SPG11: variants seen among roughly 807,000 people sequenced by gnomAD.
SPG11 encodes the protein SPG11 vesicle trafficking associated, spatacsin.
SPG11 carries 222 observed loss-of-function variants against 274.0 expected under a neutral mutation model. The observed-to-expected ratio is 0.81, with a 90% CI of 0.73 to 0.91. The LOEUF is 0.91. Ranked by LOEUF, SPG11 falls within the 40% of genes least tolerant of loss-of-function variation. The pLI is 0.00. For synonymous variants in SPG11, 1,144 were observed against 1,039.7 expected, an observed-to-expected ratio of 1.10 and a Z score of -1.93; for missense variants, 3,114 against 2,872.7, an observed-to-expected ratio of 1.08 and a Z score of -1.92.
intron 20 of SPG11, among the ~76,000 whole-genome samples, chr15:44,604,962 T>TAAAAAAAA (rs2083284644): frequency 8.2e-6 from 1 of 122,120 alleles, no homozygotes; most frequent in African/African-American, 3.3e-5. Context: ...AAAAAAAAAG[T>TAAAAAAAA]ATTACATTTT....
chr15:44,578,782 A>G (rs2082599118), intron 30 of SPG11, among the ~76,000 whole-genome samples: 1 of 152,200 alleles, frequency 6.6e-6, no homozygotes, highest in Non-Finnish European at 1.5e-5. Flanking sequence ...ACTGTCTGCT[A>G]AAAAATATCA....
At position 44,595,436 on chromosome 15, in the gene SPG11, G is replaced by C. The variant is rs755358380; in HGVS notation, c.4458C>G (p.Leu1486=). ...CCACAGAAGTGATGATCCAAACACA[G>C]AGACAAGAAATGGCACTGGCACCCT... ...CLQGASAISC[L]CVWIITSVED... The change falls in exon 26 of 40, where the codon CTC becomes CTG. Residue 1486 remains leucine, a synonymous_variant. Transcript: ENST00000261866. The C allele has an allele frequency of 2.5e-6, 4 of 1,614,182 alleles. No homozygotes were observed. Among genetic ancestry groups the C allele is most frequent in the South Asian group, 1.1e-5 (1 of 91,090 alleles).
intron 19 of SPG11, among the ~76,000 whole-genome samples, chr15:44,607,483 T>C (rs1336976612): frequency 6.6e-6 from 1 of 152,222 alleles, no homozygotes; most frequent in Non-Finnish European, 1.5e-5. Context: ...GGTTTCACTA[T>C]GTTGGCTAGG....
chr15:44,584,557 A>C lies in SPG11; in HGVS notation c.5123T>G (p.Ile1708Arg), dbSNP rs1311220191. The C allele has an allele frequency of 6.2e-7, 1 of 1,608,242 alleles. No individual in the cohort carries two copies. Reference protein sequence around the residue: ...LPVDNLVIKEITQEMQTLKHI... With the variant: ...LPVDNLVIKERTQEMQTLKHI... ...TTTTAGGGTCTGCATTTCCTGTGTT[A>C]TCTGTGAAATTTAACAAAGCAGATT... The change falls in exon 30 of 40, where the codon ATA (isoleucine) becomes AGA (arginine). Residue 1708 changes from isoleucine (I) to arginine (R), a missense_variant and splice_region_variant. Transcript: ENST00000261866.
intron 32 of SPG11, 94 bp downstream of exon 32, chr15:44,573,453 T>A: frequency 7.5e-7 from 1 of 1,334,070 alleles, no homozygotes; most frequent in Non-Finnish European, 1.1e-6. Context: ...GAGAACCACA[T>A]ACAGGATGTA....
intron 33 of SPG11, among the ~76,000 whole-genome samples, chr15:44,570,861 A>G (rs1385642755): frequency 6.6e-6 from 1 of 152,154 alleles, no homozygotes; most frequent in Non-Finnish European, 1.5e-5. Context: ...TCTCTCAGTC[A>G]TGGCACAATC....
At chr15:44,577,916 T>A (rs1037090551) in intron 30 of SPG11, among the ~76,000 whole-genome samples, 2 of 152,144 alleles carry the variant, frequency 1.3e-5, no homozygotes, top group Non-Finnish European at 2.9e-5. Context: ...CTAATTCCTG[T>A]TCTTCCTTGT....
chr15:44,636,958 C>CAAAAAAAAA (rs1328250311), intron 7 of SPG11, among the ~76,000 whole-genome samples: 3 of 89,118 alleles, frequency 3.4e-5, no homozygotes, highest in Non-Finnish European at 6.2e-5. Context: ...AAAAAAAAAA[C>CAAAAAAAAA]AAAAAAAAAA....
intron 30 of SPG11, among the ~76,000 whole-genome samples, chr15:44,582,043 A>C (rs952669586): frequency 6.6e-6 from 1 of 152,210 alleles, no homozygotes; most frequent in Non-Finnish European, 1.5e-5. Flanking sequence ...AGATAACCTG[A>C]ATAGTCCTGT....
intron 30 of SPG11, among the ~76,000 whole-genome samples, chr15:44,581,888 A>T (rs2082665025): frequency 6.6e-6 from 1 of 152,320 alleles, no homozygotes. Context: ...TCTCTAAAAA[A>T]ATAAAATTAA....
chr15:44,579,243 G>T (rs926004670), intron 30 of SPG11, among the ~76,000 whole-genome samples: 1 of 149,790 alleles, frequency 6.7e-6, no homozygotes, highest in African/African-American at 2.5e-5. Context: ...CAGGAAGAGG[G>T]GCTGGGCGTG....
At chr15:44,663,182 T>C (rs889880052) in intron 1 of SPG11, among the ~76,000 whole-genome samples, 1 of 152,250 alleles carries the variant, frequency 6.6e-6, no homozygotes, top group Admixed American at 6.5e-5. Context: ...AGAGCTGGGC[T>C]GCCAGAATGC....
At chr15:44,628,260 A>T (rs973142655) in intron 10 of SPG11, among the ~76,000 whole-genome samples, 7 of 152,270 alleles carry the variant, frequency 4.6e-5, no homozygotes, top group Admixed American at 3.9e-4. Flanking sequence ...TATACTTCTA[A>T]GTAATAATGT....
chr15:44,610,332 A>T (rs1328644659), intron 18 of SPG11, among the ~76,000 whole-genome samples: 1 of 151,808 alleles, frequency 6.6e-6, no homozygotes, highest in Non-Finnish European at 1.5e-5. Flanking sequence ...GGAATTACAA[A>T]TGTGAGCCAC....
intron 1 of SPG11, 43 bp from the exon 2 acceptor site, chr15:44,660,659 T>C (rs2085078984): frequency 6.3e-7 from 1 of 1,582,250 alleles, no homozygotes; most frequent in East Asian, 2.2e-5. Context: ...ATATCCGCAA[T>C]AATATTTACC....
At position 44,563,095 on chromosome 15, in the gene SPG11, A is replaced by G; in HGVS notation, c.*26T>C. On this transcript the variant is annotated 3_prime_UTR_variant, in exon 40 of 40. Transcript: ENST00000261866. ...ATCTGTCAGAATCTGCTAACAGTAC[A>G]AGAAAACAGACACCTATGAAATCAT... 2.5e-6 allele frequency: 4 copies of G among 1,611,538 alleles called. No individual in the cohort carries two copies. The highest frequency in any genetic ancestry group is 3.4e-6 in the Non-Finnish European group (4 of 1,177,930).
At chr15:44,629,435 A>C in intron 8 of SPG11, 47 bp from the exon 9 acceptor site, 2 of 1,562,000 alleles carry the variant, frequency 1.3e-6, no homozygotes, top group East Asian at 2.2e-5. Flanking sequence ...CAGGATACTC[A>C]CAATAAAATT....
At position 44,595,422 on chromosome 15, in the gene SPG11, AT is replaced by A; in HGVS notation, c.4471del (p.Ile1491SerfsTer38). 1 of 1,614,228 alleles carries A rather than the reference AT, an allele frequency of 6.2e-7. No individual in the cohort carries two copies. The highest frequency in any genetic ancestry group is 8.5e-7 in the Non-Finnish European group (1 of 1,180,030). On this transcript the variant is annotated frameshift_variant, in exon 26 of 40. Coordinates refer to ENST00000261866, the MANE Select transcript of SPG11 (RefSeq NM_025137.4). LOFTEE classifies it high-confidence loss of function. ...SAISCLCVWI[I>X]TSVEDNVATE... ...TGCAACATTGTCCTCCACAGAAGTG[AT>A]GATCCAAACACAGAGACAAGAAATG...
intron 14 of SPG11, 153 bp downstream of exon 14, chr15:44,621,606 A>C: frequency 1.4e-6 from 1 of 734,994 alleles, no homozygotes; most frequent in Non-Finnish European, 2.3e-6. Flanking sequence ...GAGATAAGAA[A>C]GAGATCTTAA....
Sources: allele counts gnomAD v4.1 joint callset (sites outside exome capture counted in the v4.1 genomes callset), GRCh38; gene constraint gnomAD v4.1.1; transcripts MANE v1.5; gene names NCBI Gene and HGNC (gene_info 2026-07-23, HGNC 2026-07-21).